Variants in PMPCA observed in about 807,000 individuals in gnomAD.
The protein encoded by PMPCA is mitochondrial-processing peptidase subunit alpha.
PMPCA carries 47 observed loss-of-function variants against 59.3 expected under a neutral mutation model. The observed-to-expected ratio is 0.79, with a 90% CI of 0.63 to 1.01. The LOEUF (loss-of-function observed/expected upper bound fraction) is 1.01. Ranked by LOEUF, PMPCA falls within the 50% of genes least tolerant of loss-of-function variation. The pLI, the probability that PMPCA is intolerant of heterozygous loss-of-function variation, is 0.00. For synonymous variants in PMPCA, 338 were observed against 290.3 expected (o/e 1.16, Z -1.67); for missense variants, 726 against 704.5 (o/e 1.03, Z -0.34).
intron 11 of PMPCA, among the ~76,000 whole-genome samples, chr9:136,421,331 G>A (rs1000657084): frequency 2.0e-5 from 3 of 151,858 alleles, no homozygotes; most frequent in African/African-American, 7.3e-5. Context: ...CGGGTAACAC[G>A]TAGCACAGCC....
Position 136,410,714 on chromosome 9 carries a change from G to T in PMPCA, c.46G>T (p.Gly16Cys). Residue 16 changes from glycine to cysteine, a missense_variant, in exon 1 of 13, where the codon GGT (glycine) becomes TGT (cysteine). Transcript: ENST00000371717. ...GGCGACGCGGTTGCTGCGGGGCTCG[G>T]GTTCTTGGGGCTGTTCGCGGCTGAG... ...LAATRLLRGS[G>C]SWGCSRLRFG... 1 of 1,425,766 alleles carries T rather than the reference G, an allele frequency of 7.0e-7. No homozygotes were observed. The highest frequency in any genetic ancestry group is 9.1e-7 in the Non-Finnish European group (1 of 1,094,050). 88.3% of individuals were successfully genotyped at this position (1,425,766 alleles called of 1,614,324 possible).
chr9:136,416,030 A>C, intron 5 of PMPCA: 1 of 560,538 alleles, frequency 1.8e-6, no homozygotes, highest in Non-Finnish European at 3.2e-6. Flanking sequence ...TTTCACCAGC[A>C]AGGAAGCCAG....
Position 136,421,860 on chromosome 9 carries a change from T to C in PMPCA, c.1292T>C (p.Leu431Pro). The stretch of plus-strand genomic sequence containing the variant: ...GAGCTGGAACGAGCCAAGACGCAGC[T>C]GACATCAATGCTCATGATGAACCTG... Reference protein sequence around the residue: ...TVELERAKTQLTSMLMMNLES... With the variant: ...TVELERAKTQPTSMLMMNLES... Residue 431 changes from leucine to proline, a missense_variant, in exon 12 of 13, where the codon CTG becomes CCG. Transcript: ENST00000371717. 1 of 1,602,144 alleles carries C rather than the reference T, an allele frequency of 6.2e-7. No homozygotes were observed.
In PMPCA at chr9:136,416,398, T is replaced by C. The variant is rs1471653494; in HGVS notation, c.633+7T>C. The C allele has an allele frequency of 3.1e-6, 5 of 1,600,908 alleles. No individual in the cohort carries two copies. Among genetic ancestry groups the C allele is most frequent in the South Asian group, 1.1e-5 (1 of 90,842 alleles). Reference sequence around the variant, plus strand: ...CACCGAGATGATTCATGAAGTAAAATGTCAAACTCGAGAATGCCCCCGCAT... The same window carrying C: ...CACCGAGATGATTCATGAAGTAAAACGTCAAACTCGAGAATGCCCCCGCAT... On this transcript the variant is annotated splice_region_variant and intron_variant, in intron 6 of 12. Coordinates refer to ENST00000371717, the MANE Select transcript of PMPCA (RefSeq NM_015160.3).
At position 136,416,337 on chromosome 9, in the gene PMPCA, G is replaced by A; in HGVS notation, c.579G>A (p.Glu193=). 6.2e-7 allele frequency: 1 copy of A among 1,614,024 alleles called. No individual in the cohort carries two copies. The highest frequency in any genetic ancestry group is 8.5e-7 in the Non-Finnish European group (1 of 1,179,934). The stretch of plus-strand genomic sequence containing the variant: ...GGATGGCGGTCCAGTTTGAGCTGGA[G>A]GACCTGAACCTGCGGCCTGACCCAG... ...MTRMAVQFEL[E]DLNLRPDPEP... The change falls in exon 6 of 13, where the codon GAG becomes GAA. Residue 193 remains glutamate (E), a synonymous_variant. Coordinates refer to ENST00000371717, the MANE Select transcript of PMPCA (RefSeq NM_015160.3).
chr9:136,412,316 G>C, intron 2 of PMPCA, 117 bp downstream of exon 2: 1 of 871,198 alleles, frequency 1.1e-6, no homozygotes, highest in Non-Finnish European at 1.9e-6. Context: ...TGGAAACAAA[G>C]TGTACGATTT....
chr9:136,411,041 C>T (rs956664232), intron 1 of PMPCA: 3 of 337,008 alleles, frequency 8.9e-6, no homozygotes, highest in East Asian at 4.3e-5. Context: ...CTACCGCGTG[C>T]TCCTTCAGGA....
At position 136,423,373 on chromosome 9, in the gene PMPCA, G is replaced by C; in HGVS notation, c.*109G>C. The C allele has an allele frequency of 2.6e-6, 3 of 1,154,554 alleles. No homozygotes were observed. Among genetic ancestry groups the C allele is most frequent in the Non-Finnish European group, 3.6e-6 (3 of 830,526 alleles). 71.5% of individuals were successfully genotyped at this position (1,154,554 alleles called of 1,614,324 possible). ...AAAAAGCTGTCTGGTTGTATAAACGGTGCAAACAATGTCGCCACAGCACCC... is the reference window on the plus strand; with the variant it reads ...AAAAAGCTGTCTGGTTGTATAAACGCTGCAAACAATGTCGCCACAGCACCC... On this transcript the variant is annotated 3_prime_UTR_variant, in exon 13 of 13. Transcript: ENST00000371717.
rs375891093 is a variant in PMPCA at position 136,414,522 on chromosome 9, C to G, written c.438-31C>G. On this transcript the variant is annotated intron_variant, in intron 4 of 12. Coordinates refer to ENST00000371717, the MANE Select transcript of PMPCA (RefSeq NM_015160.3). ...TGTTAAGCAGAGTGTGAGTTCAGGGCCTGGCATTATGGGCTTGTGTTTTCT... is the reference window on the plus strand; with the variant it reads ...TGTTAAGCAGAGTGTGAGTTCAGGGGCTGGCATTATGGGCTTGTGTTTTCT... 7.0e-6 allele frequency: 10 copies of G among 1,431,840 alleles called. No individual in the cohort carries two copies. In the Admixed American group the frequency reaches 8.4e-5, roughly 12 times the overall value. The allele number at this position is 1,431,840 out of a possible 1,614,324, so 88.7% of individuals were successfully genotyped here. A position where few individuals can be genotyped will look rare whatever the true frequency, so the allele number is the denominator to read the frequency against.
chr9:136,421,707 C>T (rs936656522), intron 11 of PMPCA, 125 bp from the exon 12 acceptor site: 17 of 906,718 alleles, frequency 1.9e-5, no homozygotes, highest in East Asian at 2.5e-5. Flanking sequence ...CCACTGCGCC[C>T]GGCTGCCCTT....
Position 136,414,580 on chromosome 9 carries a change from T to C in PMPCA, c.465T>C (p.Ala155=), listed in dbSNP as rs1189433746. ...SRDTTMYAVS[A]DSKGLDTVVA... Reference sequence around the variant, plus strand: ...ACACCACCATGTATGCTGTGTCTGCTGATAGCAAAGGCTTGGACACGGTGG... The same window carrying C: ...ACACCACCATGTATGCTGTGTCTGCCGATAGCAAAGGCTTGGACACGGTGG... Residue 155 remains alanine, a synonymous_variant, in exon 5 of 13, where the codon GCT becomes GCC. Transcript: ENST00000371717. 6.2e-7 allele frequency: 1 copy of C among 1,613,302 alleles called. No individual in the cohort carries two copies. Among genetic ancestry groups the C allele is most frequent in the South Asian group, 1.1e-5 (1 of 91,074 alleles).
At chr9:136,419,341 C>G in intron 11 of PMPCA, 1 of 601,594 alleles carries the variant, frequency 1.7e-6, no homozygotes, top group East Asian at 2.8e-5. Flanking sequence ...AAAAACAGAC[C>G]ACCGCCCTCC....
chr9:136,422,978 G>C, intron 12 of PMPCA, 117 bp from the exon 13 acceptor site: 1 of 1,460,620 alleles, frequency 6.8e-7, no homozygotes. Context: ...GCCCCCATCA[G>C]CAGCACAGCG....
At chr9:136,422,899 G>A in intron 12 of PMPCA, 196 bp from the exon 13 acceptor site, 4 of 1,390,592 alleles carry the variant, frequency 2.9e-6, no homozygotes, top group Non-Finnish European at 3.7e-6. Flanking sequence ...CCCATTTACT[G>A]AGAACTCAAC....
chr9:136,412,300 C>A (rs1000280431), intron 2 of PMPCA, 101 bp downstream of exon 2: 2 of 946,862 alleles, frequency 2.1e-6, no homozygotes, highest in African/African-American at 1.6e-5. Context: ...TGAATTGTAC[C>A]CTGAGTGGAA....
In PMPCA at chr9:136,410,718, C is replaced by T; in HGVS notation, c.50C>T (p.Ser17Phe). ...AATRLLRGSG[S>F]WGCSRLRFGP... is the part of the protein sequence containing the mutation. Reference sequence around the variant, plus strand: ...ACGCGGTTGCTGCGGGGCTCGGGTTCTTGGGGCTGTTCGCGGCTGAGGTGA... The same window carrying T: ...ACGCGGTTGCTGCGGGGCTCGGGTTTTTGGGGCTGTTCGCGGCTGAGGTGA... The change falls in exon 1 of 13, where the codon TCT (serine) becomes TTT (phenylalanine). Residue 17 changes from serine (S) to phenylalanine (F), a missense_variant. By Grantham distance (155) the Ser-to-Phe change is radical. Coordinates refer to ENST00000371717, the MANE Select transcript of PMPCA (RefSeq NM_015160.3). The T allele has an allele frequency of 7.0e-7, 1 of 1,431,626 alleles. No individual in the cohort carries two copies. The highest frequency in any genetic ancestry group is 9.1e-7 in the Non-Finnish European group (1 of 1,098,326). The allele number at this position is 1,431,626 out of a possible 1,614,324, so 88.7% of individuals were successfully genotyped here.
intron 12 of PMPCA, chr9:136,422,389 C>T (rs910993070): frequency 5.8e-5 from 66 of 1,132,036 alleles, no homozygotes; most frequent in Admixed American, 1.3e-4. Context: ...CCCAGGTTTC[C>T]GGGGCCCCCA....
intron 1 of PMPCA, 92 bp downstream of exon 1, chr9:136,410,831 C>A: frequency 1.8e-6 from 2 of 1,094,746 alleles, no homozygotes; most frequent in Non-Finnish European, 2.4e-6. Flanking sequence ...GGTGACATGG[C>A]GCCCGTGGGA....
rs778685666 is a variant in PMPCA at position 136,421,847 on chromosome 9, G to C, written c.1279G>C (p.Ala427Pro). 1.3e-6 allele frequency: 2 copies of C among 1,595,576 alleles called. No homozygotes were observed. The highest frequency in any genetic ancestry group is 2.2e-5 in the East Asian group (1 of 44,510). Residue 427 changes from alanine to proline, a missense_variant, in exon 12 of 13, where the codon GCC (alanine) becomes CCC (proline). Transcript: ENST00000371717. ...GTVDTVELER[A>P]KTQLTSMLMM... Reference sequence around the variant, plus strand: ...CTGGCCCCAGGTGGAGCTGGAACGAGCCAAGACGCAGCTGACATCAATGCT... The same window carrying C: ...CTGGCCCCAGGTGGAGCTGGAACGACCCAAGACGCAGCTGACATCAATGCT...
Sources: allele counts gnomAD v4.1 joint callset (sites outside exome capture counted in the v4.1 genomes callset), GRCh38; gene constraint gnomAD v4.1.1; transcripts MANE v1.5; gene names NCBI Gene and HGNC (gene_info 2026-07-23, HGNC 2026-07-21).